Variants in ZCCHC7 observed in about 807,000 individuals in gnomAD.
The protein encoded by ZCCHC7 is zinc finger CCHC-type containing 7.
In ZCCHC7, 35 loss-of-function variants were observed where a neutral mutation model predicts 52.0. That is an observed-to-expected ratio of 0.67 (90% CI 0.51 to 0.89). ZCCHC7 has a LOEUF of 0.89. Among genes scored for constraint, ZCCHC7 ranks in the 40% least tolerant of loss-of-function variants. The probability of loss-of-function intolerance (pLI) is 0.00; values close to 1 mark genes in which losing one functional copy is unlikely to be tolerated. For synonymous variants in ZCCHC7, 217 were observed against 221.5 expected (o/e 0.98, Z 0.18); for missense variants, 574 against 649.1 (o/e 0.88, Z 1.26).
At chr9:37,181,317 A>C (rs1161230300) in intron 2 of ZCCHC7, among the ~76,000 whole-genome samples, 1 of 152,162 alleles carries the variant, frequency 6.6e-6, no homozygotes, top group African/African-American at 2.4e-5. Flanking sequence ...AGAAGGTATG[A>C]CTACTTCAAA....
chr9:37,169,794 A>G (rs76489349), intron 2 of ZCCHC7, among the ~76,000 whole-genome samples: 4 of 152,120 alleles, frequency 2.6e-5, no homozygotes, highest in African/African-American at 7.2e-5. Context: ...GGCTCTGGCA[A>G]CTTATGCCTG....
chr9:37,161,751 C>T (rs1282976291), intron 2 of ZCCHC7, among the ~76,000 whole-genome samples: 2 of 152,156 alleles, frequency 1.3e-5, no homozygotes, highest in Admixed American at 6.5e-5. Flanking sequence ...AAGCTCAGAT[C>T]GTCATAGCTA....
chr9:37,195,190 G>A (rs529423377), intron 2 of ZCCHC7, among the ~76,000 whole-genome samples: 1 of 151,928 alleles, frequency 6.6e-6, no homozygotes, highest in East Asian at 1.9e-4. Flanking sequence ...CAGGAGATCC[G>A]CCCACCTCAG....
chr9:37,334,440 A>G (rs1364564792), intron 6 of ZCCHC7, among the ~76,000 whole-genome samples: 2 of 151,960 alleles, frequency 1.3e-5, no homozygotes, highest in African/African-American at 4.8e-5. Context: ...CGATCGTTTG[A>G]ATAATCTGCA....
intron 6 of ZCCHC7, among the ~76,000 whole-genome samples, chr9:37,341,404 C>G (rs748674375): frequency 6.6e-6 from 1 of 152,152 alleles, no homozygotes; most frequent in Non-Finnish European, 1.5e-5. Context: ...TGCATTACCT[C>G]ATTATTCATT....
In ZCCHC7 at chr9:37,166,895, T is replaced by C. The variant is rs555111044; in HGVS notation, c.610+39953T>C. Among the ~76,000 whole-genome samples, 201 of 152,364 alleles carry C rather than the reference T, an allele frequency of 1.3e-3. 1 individual carries two copies. The highest frequency in any genetic ancestry group is 4.8e-3 in the African/African-American group (198 of 41,592). ...GTGGTTAATTTCTAATTTAATGTATTGTGTTCAAATAAAATACTTTGTAAA... is the reference window on the plus strand; with the variant it reads ...GTGGTTAATTTCTAATTTAATGTATCGTGTTCAAATAAAATACTTTGTAAA... On this transcript the variant is annotated intron_variant, in intron 2 of 8. Transcript: ENST00000336755.
chr9:37,194,647 T>G (rs968359088), intron 2 of ZCCHC7, among the ~76,000 whole-genome samples: 11 of 152,176 alleles, frequency 7.2e-5, no homozygotes, highest in African/African-American at 2.7e-4. Flanking sequence ...GGAAGATTTA[T>G]TTGGGTGTTG....
At chr9:37,229,874 A>G (rs1825314653) in intron 2 of ZCCHC7, among the ~76,000 whole-genome samples, 1 of 152,324 alleles carries the variant, frequency 6.6e-6, no homozygotes, top group Admixed American at 6.5e-5. Flanking sequence ...CTATGCAAAA[A>G]TAATTTGTTT....
At chr9:37,130,385 T>G (rs1842730576) in intron 2 of ZCCHC7, among the ~76,000 whole-genome samples, 1 of 125,588 alleles carries the variant, frequency 8.0e-6, no homozygotes, top group East Asian at 2.7e-4. Flanking sequence ...GGTCTTACCC[T>G]ATAAATAGAG....
intron 2 of ZCCHC7, among the ~76,000 whole-genome samples, chr9:37,146,859 TATAATTTAA>T (rs1341651457): frequency 1.3e-5 from 2 of 151,914 alleles, no homozygotes; most frequent in Admixed American, 6.6e-5. Flanking sequence ...CAGATGCTCA[TATAATTTAA>T]ATAATTTAAA....
intron 4 of ZCCHC7, among the ~76,000 whole-genome samples, chr9:37,304,598 G>A (rs1018829616): frequency 1.3e-5 from 2 of 151,768 alleles, no homozygotes; most frequent in African/African-American, 4.8e-5. Context: ...TGGAGCTTGC[G>A]GTAACAGAGA....
chr9:37,305,606 C>T lies in ZCCHC7; in HGVS notation c.843C>T (p.Pro281=), dbSNP rs35378147. Residue 281 remains proline (P), a synonymous_variant, in exon 5 of 9, where the codon CCC becomes CCT. Coordinates refer to ENST00000336755, the MANE Select transcript of ZCCHC7 (RefSeq NM_032226.3). Reference sequence around the variant, plus strand: ...ATCTCCTGTATTCCTGTCCAGCCCCCCTTTGCGAATACTGTCCTGTGCCTA... The same window carrying T: ...ATCTCCTGTATTCCTGTCCAGCCCCTCTTTGCGAATACTGTCCTGTGCCTA... ...RGHLLYSCPA[P]LCEYCPVPKM... is the part of the protein sequence containing the mutation. 16 of 1,614,062 alleles carry T rather than the reference C, an allele frequency of 9.9e-6. No homozygotes were observed. The highest frequency in any genetic ancestry group is 2.2e-5 in the East Asian group (1 of 44,886).
chr9:37,234,242 A>G (rs1825540650), intron 2 of ZCCHC7, among the ~76,000 whole-genome samples: 1 of 152,212 alleles, frequency 6.6e-6, no homozygotes, highest in African/African-American at 2.4e-5. Context: ...GATCTATTCT[A>G]GAGGTCCAAG....
chr9:37,255,107 T>C (rs1826522177), intron 2 of ZCCHC7, among the ~76,000 whole-genome samples: 2 of 152,020 alleles, frequency 1.3e-5, no homozygotes, highest in African/African-American at 4.8e-5. Context: ...CATTGTTTTT[T>C]CCTATACATA....
chr9:37,216,019 A>G (rs1824483350), intron 2 of ZCCHC7, among the ~76,000 whole-genome samples: 2 of 152,222 alleles, frequency 1.3e-5, no homozygotes, highest in African/African-American at 2.4e-5. Flanking sequence ...AGGATTAGCA[A>G]TAATCCTTTT....
At chr9:37,239,075 TTTA>T (rs1353988119) in intron 2 of ZCCHC7, among the ~76,000 whole-genome samples, 1 of 152,074 alleles carries the variant, frequency 6.6e-6, no homozygotes, top group Non-Finnish European at 1.5e-5. Flanking sequence ...TGAAAAGAAA[TTTA>T]TTATTAGAAA....
chr9:37,195,620 G>T (rs1412554196), intron 2 of ZCCHC7, among the ~76,000 whole-genome samples: 1 of 152,182 alleles, frequency 6.6e-6, no homozygotes, highest in Non-Finnish European at 1.5e-5. Flanking sequence ...ACTTAAATAT[G>T]TCGAGGAAGG....
At chr9:37,122,450 T>G (rs1842356825) in intron 1 of ZCCHC7, among the ~76,000 whole-genome samples, 1 of 152,214 alleles carries the variant, frequency 6.6e-6, no homozygotes, top group African/African-American at 2.4e-5. Context: ...GAGTACCAAC[T>G]TGGGAGATTC....
intron 6 of ZCCHC7, among the ~76,000 whole-genome samples, chr9:37,336,536 A>T (rs1263795174): frequency 6.6e-6 from 1 of 152,226 alleles, no homozygotes; most frequent in Admixed American, 6.5e-5. Flanking sequence ...ATGTGGAGTT[A>T]TGGTAAAAAT....
Sources: allele counts gnomAD v4.1 joint callset (sites outside exome capture counted in the v4.1 genomes callset), GRCh38; gene constraint gnomAD v4.1.1; transcripts MANE v1.5; gene names NCBI Gene and HGNC (gene_info 2026-07-23, HGNC 2026-07-21).